The following PIGG variants were observed in gnomAD, a reference collection of about 807,000 sequenced individuals.
PIGG encodes GPI ethanolamine phosphate transferase 2, catalytic subunit.
Under a neutral mutation model 83.2 loss-of-function variants are expected in PIGG, and 70 were observed. That is an observed-to-expected ratio of 0.84 (90% CI 0.69 to 1.03). The LOEUF is 1.03. Among genes scored for constraint, PIGG ranks in the 50% least tolerant of loss-of-function variants. The probability of loss-of-function intolerance (pLI) is 0.00; values close to 1 mark genes in which losing one functional copy is unlikely to be tolerated. For missense variants in PIGG, 1,257 were observed against 1,233.6 expected (o/e 1.02, Z -0.28); for synonymous variants, 532 against 519.5 (o/e 1.02, Z -0.33).
At chr4:538,763 A>AT (rs1444316830) in intron 12 of PIGG, among the ~76,000 whole-genome samples, 1 of 152,130 alleles carries the variant, frequency 6.6e-6, no homozygotes, top group African/African-American at 2.4e-5. Flanking sequence ...ACTGTAGGTG[A>AT]TTTTTACATA....
chr4:502,802 GA>G (rs1553876598), intron 2 of PIGG, among the ~76,000 whole-genome samples: 1 of 152,034 alleles, frequency 6.6e-6, no homozygotes, highest in Non-Finnish European at 1.5e-5. Context: ...AGCCACAAAA[GA>G]AGGGATGAAA....
intron 2 of PIGG, among the ~76,000 whole-genome samples, chr4:505,401 T>C (rs906922255): frequency 6.7e-6 from 1 of 149,906 alleles, no homozygotes; most frequent in Non-Finnish European, 1.5e-5. Context: ...GCTCACCTAT[T>C]TTATCCATAA....
chr4:521,114 G>A lies in PIGG; in HGVS notation c.1173G>A (p.Leu391=). The A allele has an allele frequency of 6.2e-7, 1 of 1,614,158 alleles. No individual in the cohort carries two copies. The highest frequency in any genetic ancestry group is 8.5e-7 in the Non-Finnish European group (1 of 1,179,984). Residue 391 remains leucine (L), a synonymous_variant, in exon 7 of 13, where the codon CTG becomes CTA. Coordinates refer to ENST00000453061, the MANE Select transcript of PIGG (RefSeq NM_001127178.3). ...GATTGCATGGGAACTGGATCAGACT[G>A]TACTTGGAGGAAAAGCATTCAGAAG... ...SERLHGNWIR[L]YLEEKHSEVL...
rs112671726 is a variant in PIGG at position 500,257 on chromosome 4, A to G, written c.155-139A>G. 684 of 648,154 alleles carry G rather than the reference A, an allele frequency of 1.1e-3. 2 individuals carry two copies. In the African/African-American group the frequency reaches 0.011, roughly 11 times the overall value. The allele number at this position is 648,154 out of a possible 1,614,324, so 40.2% of individuals were successfully genotyped here. On this transcript the variant is annotated intron_variant, in intron 1 of 12. Transcript: ENST00000453061. ...CCCCCAGCACTACCTACCAAGTACAAGTCGCCTCCTTTTGGGTTGGGTTAT... is the reference window on the plus strand; with the variant it reads ...CCCCCAGCACTACCTACCAAGTACAGGTCGCCTCCTTTTGGGTTGGGTTAT...
intron 9 of PIGG, chr4:525,914 G>A (rs1727462824): frequency 6.6e-6 from 1 of 152,282 alleles, no homozygotes; most frequent in Admixed American, 6.5e-5. Flanking sequence ...TCCCAGGCAT[G>A]TAGAGCAGCC....
chr4:502,722 G>T (rs1308693382), intron 2 of PIGG, among the ~76,000 whole-genome samples: 1 of 152,050 alleles, frequency 6.6e-6, no homozygotes, highest in South Asian at 2.1e-4. Flanking sequence ...ATGCCAAGTA[G>T]TCCCTACCCT....
chr4:500,298 T>C, intron 1 of PIGG, 98 bp from the exon 2 acceptor site: 2 of 836,692 alleles, frequency 2.4e-6, no homozygotes. Flanking sequence ...TATCGCAGGG[T>C]ATGTGCTGGA....
chr4:538,397 T>A (rs965211647), intron 12 of PIGG, among the ~76,000 whole-genome samples: 2 of 152,166 alleles, frequency 1.3e-5, no homozygotes, highest in African/African-American at 2.4e-5. Context: ...TGGGCCAGTG[T>A]CCCCAGACCA....
At chr4:507,677 A>C in intron 4 of PIGG, 84 bp downstream of exon 4, 1 of 1,220,434 alleles carries the variant, frequency 8.2e-7, no homozygotes, top group South Asian at 1.5e-5. Context: ...TGAGTTATTC[A>C]GGGTGCCTGT....
intron 8 of PIGG, chr4:522,543 A>G: frequency 5.7e-6 from 1 of 176,092 alleles, no homozygotes; most frequent in East Asian, 1.4e-4. Flanking sequence ...TCAGATCCAC[A>G]GAGCCCAGGA....
chr4:530,587 G>T lies in PIGG; in HGVS notation c.2413G>T (p.Ala805Ser), dbSNP rs1577135737. The change falls in exon 11 of 13, where the codon GCA (alanine) becomes TCA (serine). Residue 805 changes from alanine (A) to serine (S), a missense_variant. Ala to Ser is a moderately conservative substitution (Grantham distance 99). Transcript: ENST00000453061. ...GATATATAGTGGATTAGTTCTTCTG[G>T]CAGCCTTGCTCTTTAGACCACATAA... Reference protein sequence around the residue: ...WEIYSGLVLLAALLFRPHNLP... With the variant: ...WEIYSGLVLLSALLFRPHNLP... 2 of 1,613,898 alleles carry T rather than the reference G, an allele frequency of 1.2e-6. No homozygotes were observed. The highest frequency in any genetic ancestry group is 1.7e-6 in the Non-Finnish European group (2 of 1,179,876).
At chr4:527,525 G>A in intron 10 of PIGG, 1 of 1,147,532 alleles carries the variant, frequency 8.7e-7, no homozygotes, top group Admixed American at 4.4e-5. Context: ...CCTTCAGGGT[G>A]TGTGATGGGA....
At chr4:508,704 A>T in intron 4 of PIGG, 125 bp from the exon 5 acceptor site, 1 of 820,122 alleles carries the variant, frequency 1.2e-6, no homozygotes, top group Non-Finnish European at 2.0e-6. Context: ...AGGAAAAAAA[A>T]ATCTAATTCA....
intron 5 of PIGG, among the ~76,000 whole-genome samples, chr4:510,083 G>A (rs1237609864): frequency 2.6e-5 from 4 of 152,126 alleles, no homozygotes; most frequent in African/African-American, 9.7e-5. Flanking sequence ...ACCCAGCAGC[G>A]CTAGAGGAAT....
At chr4:510,093 T>C (rs537611497) in intron 5 of PIGG, among the ~76,000 whole-genome samples, 63 of 152,196 alleles carry the variant, frequency 4.1e-4, no homozygotes, top group Middle Eastern at 3.4e-3. Flanking sequence ...GCTAGAGGAA[T>C]TAAAGACACA....
chr4:512,935 G>T (rs1285089973), intron 5 of PIGG, among the ~76,000 whole-genome samples: 3 of 152,190 alleles, frequency 2.0e-5, no homozygotes, highest in Non-Finnish European at 4.4e-5. Flanking sequence ...GGAGCTGGGG[G>T]AATGAGAGGG....
At chr4:517,041 G>C (rs1447409764) in intron 6 of PIGG, among the ~76,000 whole-genome samples, 1 of 152,064 alleles carries the variant, frequency 6.6e-6, no homozygotes, top group Non-Finnish European at 1.5e-5. Flanking sequence ...AGGGGCCAGA[G>C]TGGCAAGGGC....
At chr4:530,847 C>T (rs1033227618) in intron 11 of PIGG, 102 bp downstream of exon 11, 5 of 798,406 alleles carry the variant, frequency 6.3e-6, no homozygotes, top group African/African-American at 3.5e-5. Flanking sequence ...AAGTGACTGT[C>T]AGTGTGGCAT....
Position 521,261 on chromosome 4 carries a change from C to A in PIGG, c.1320C>A (p.Val440=). The A allele has an allele frequency of 6.2e-7, 1 of 1,612,338 alleles. No homozygotes were observed. Among genetic ancestry groups the A allele is most frequent in the South Asian group, 1.1e-5 (1 of 91,014 alleles). Residue 440 remains valine (V), a synonymous_variant, in exon 7 of 13, where the codon GTC becomes GTA. Coordinates refer to ENST00000453061, the MANE Select transcript of PIGG (RefSeq NM_001127178.3). The part of the protein sequence containing the change: ...YDIYSMMVGT[V]VVLEVLTLLL... ...TCTATTCGATGATGGTGGGGACTGTCGTGGTTTTGGAGGTACAGATGCTCA... is the reference window on the plus strand; with the variant it reads ...TCTATTCGATGATGGTGGGGACTGTAGTGGTTTTGGAGGTACAGATGCTCA...
Sources: gnomAD v4.1 joint callset for allele counts (sites outside exome capture counted in the v4.1 genomes callset) on GRCh38, gnomAD v4.1.1 for gene constraint, MANE v1.5 for transcripts, NCBI Gene and HGNC (gene_info 2026-07-23, HGNC 2026-07-21) for gene names.